The following EPHA5 variants were observed in gnomAD, a reference collection of about 807,000 sequenced individuals.
The protein encoded by EPHA5 is ephrin type-A receptor 5.
A neutral mutation model predicts 105.0 loss-of-function variants in EPHA5; 60 were observed. That is an observed-to-expected ratio of 0.57 (90% CI 0.46 to 0.71). The LOEUF is 0.71. EPHA5 is among the 30% of genes least tolerant of loss of function. The pLI is 0.00. For synonymous variants in EPHA5, 513 were observed against 449.1 expected (o/e 1.14, Z -1.80); for missense variants, 1,218 against 1,274.7 (o/e 0.96, Z 0.68).
chr4:65,485,928 C>T (rs1429292144), intron 5 of EPHA5, among the ~76,000 whole-genome samples: 1 of 152,070 alleles, frequency 6.6e-6, no homozygotes, highest in Admixed American at 6.6e-5. Context: ...CTGAAATTTC[C>T]TTATTTTACT....
chr4:65,430,909 A>G (rs1431989343), intron 5 of EPHA5, among the ~76,000 whole-genome samples: 1 of 152,142 alleles, frequency 6.6e-6, no homozygotes, highest in African/African-American at 2.4e-5. Flanking sequence ...GCAATAGGAG[A>G]AACAACTGTC....
chr4:65,369,421 A>C (rs1397670557), intron 8 of EPHA5, among the ~76,000 whole-genome samples: 1 of 152,180 alleles, frequency 6.6e-6, no homozygotes, highest in Non-Finnish European at 1.5e-5. Flanking sequence ...TGCATTAAGA[A>C]AAGACAGCCA....
At chr4:65,617,743 C>A (rs1745369291) in intron 2 of EPHA5, among the ~76,000 whole-genome samples, 3 of 151,834 alleles carry the variant, frequency 2.0e-5, no homozygotes, top group Admixed American at 1.3e-4. Flanking sequence ...GTTGATAGCT[C>A]CAGGGAAGGT....
intron 5 of EPHA5, among the ~76,000 whole-genome samples, chr4:65,475,940 AT>A (rs1031383637): frequency 7.9e-5 from 12 of 152,174 alleles, no homozygotes; most frequent in Non-Finnish European, 1.3e-4. Context: ...ATCAGCAGGT[AT>A]TTTGTACAGA....
intron 2 of EPHA5, among the ~76,000 whole-genome samples, chr4:65,633,876 G>T (rs1436904269): frequency 2.6e-5 from 4 of 151,928 alleles, no homozygotes; most frequent in Non-Finnish European, 4.4e-5. Context: ...ATCTAAAGAA[G>T]AAAAAATCAG....
rs541895173 is a variant in EPHA5 at position 65,404,653 on chromosome 4, T to C, written c.1688-174A>G. Among the ~76,000 whole-genome samples the C allele has an allele frequency of 2.8e-4, 42 of 152,294 alleles. 1 individual carries two copies. The highest frequency in any genetic ancestry group is 9.9e-4 in the African/African-American group (41 of 41,564). ...TGTGTAATTGAAAAGTCATCTATAA[T>C]AGAAAATATTTACTTTCCAAATAGA... On this transcript the variant is annotated intron_variant, in intron 7 of 16. Transcript: ENST00000613740.
At position 65,531,006 on chromosome 4, in the gene EPHA5, ATTTTTTTTAT is replaced by A. The variant is rs1474321254; in HGVS notation, c.911-35473_911-35464del. Among the ~76,000 whole-genome samples, 867 of 147,072 alleles carry A rather than the reference ATTTTTTTTAT, an allele frequency of 5.9e-3. 9 individuals carry two copies. Among genetic ancestry groups the A allele is most frequent in the African/African-American group, 0.02 (783 of 39,004 alleles). On this transcript the variant is annotated intron_variant, in intron 3 of 16. Coordinates refer to ENST00000613740, the MANE Select transcript of EPHA5 (RefSeq NM_001281766.3). Reference sequence around the variant, plus strand: ...GATTTAGCTGGATGGATTTTTTTTTATTTTTTTTATTTTTTTTATTTTTTTTATTTTTTTA... The same window carrying A: ...GATTTAGCTGGATGGATTTTTTTTTATTTTTTTATTTTTTTTATTTTTTTA...
chr4:65,554,796 T>C (rs1385491349), intron 3 of EPHA5, among the ~76,000 whole-genome samples: 1 of 151,692 alleles, frequency 6.6e-6, no homozygotes, highest in African/African-American at 2.4e-5. Flanking sequence ...AGTGAGAATT[T>C]ATCCTATGTC....
chr4:65,373,514 A>C (rs888751403), intron 8 of EPHA5, among the ~76,000 whole-genome samples: 3 of 151,962 alleles, frequency 2.0e-5, no homozygotes, highest in African/African-American at 7.2e-5. Context: ...GAATTAATAT[A>C]GAGAAAGGAA....
intron 14 of EPHA5, among the ~76,000 whole-genome samples, chr4:65,346,813 G>A (rs1722269416): frequency 6.6e-6 from 1 of 152,058 alleles, no homozygotes; most frequent in Non-Finnish European, 1.5e-5. Flanking sequence ...ATCAAAAAAT[G>A]GGCAAAGGAT....
chr4:65,405,680 C>T lies in EPHA5; in HGVS notation c.1688-1201G>A, dbSNP rs138089348. Among the ~76,000 whole-genome samples, 13 of 152,174 alleles carry T rather than the reference C, an allele frequency of 8.5e-5. No individual in the cohort carries two copies. In the East Asian group the frequency reaches 2.5e-3, roughly 29 times the overall value. On this transcript the variant is annotated intron_variant, in intron 7 of 16. Transcript: ENST00000613740. ...CTATTATTTTCAATATAAGTCAGTGCTCTTACCTTCTCTCTTTTTGCATAA... is the reference window on the plus strand; with the variant it reads ...CTATTATTTTCAATATAAGTCAGTGTTCTTACCTTCTCTCTTTTTGCATAA...
chr4:65,345,506 G>A (rs887920838), intron 14 of EPHA5, among the ~76,000 whole-genome samples: 7 of 152,338 alleles, frequency 4.6e-5, no homozygotes, highest in Admixed American at 3.9e-4. Context: ...CATCCAATAA[G>A]AATGTGTGTC....
chr4:65,557,233 G>GATATAT (rs61008833), intron 3 of EPHA5, among the ~76,000 whole-genome samples: 18,702 of 90,752 alleles, frequency 0.21, 2,087 homozygotes, highest in Middle Eastern at 0.27. Flanking sequence ...TTTATACTGG[G>GATATAT]ATATATATAT....
chr4:65,498,106 A>T (rs1732125207), intron 3 of EPHA5, among the ~76,000 whole-genome samples: 1 of 151,960 alleles, frequency 6.6e-6, no homozygotes, highest in African/African-American at 2.4e-5. Context: ...ATTTGAGTTA[A>T]AGTGTATCCG....
At chr4:65,469,422 GGT>G (rs1340992349) in intron 5 of EPHA5, among the ~76,000 whole-genome samples, 1 of 152,058 alleles carries the variant, frequency 6.6e-6, no homozygotes, top group Non-Finnish European at 1.5e-5. Flanking sequence ...ATTAGTATGA[GGT>G]GTAAAATGAT....
At chr4:65,656,987 A>G (rs1279365614) in intron 1 of EPHA5, among the ~76,000 whole-genome samples, 1 of 151,736 alleles carries the variant, frequency 6.6e-6, no homozygotes, top group East Asian at 1.9e-4. Context: ...GTTCATTTAA[A>G]ACGCTAACCA....
At chr4:65,347,420 A>C (rs766675212) in intron 14 of EPHA5, among the ~76,000 whole-genome samples, 1 of 152,194 alleles carries the variant, frequency 6.6e-6, no homozygotes, top group African/African-American at 2.4e-5. Context: ...TTACAAAGGG[A>C]AAGATTAAAG....
chr4:65,652,637 T>C (rs1473724996), intron 1 of EPHA5, among the ~76,000 whole-genome samples: 2 of 152,144 alleles, frequency 1.3e-5, no homozygotes, highest in Non-Finnish European at 2.9e-5. Context: ...AAAGGTTCAC[T>C]CTTTTGAACC....
intron 3 of EPHA5, among the ~76,000 whole-genome samples, chr4:65,518,204 G>A (rs1369404728): frequency 1.3e-5 from 2 of 151,520 alleles, no homozygotes; most frequent in South Asian, 2.1e-4. Context: ...TATTATTTAA[G>A]GAGAGTAAAT....
Sources: gnomAD v4.1 joint callset for allele counts (sites outside exome capture counted in the v4.1 genomes callset) on GRCh38, gnomAD v4.1.1 for gene constraint, MANE v1.5 for transcripts, NCBI Gene and HGNC (gene_info 2026-07-23, HGNC 2026-07-21) for gene names.